Variants in MICU3 observed in about 807,000 individuals in gnomAD.
The protein encoded by MICU3 is mitochondrial calcium uptake 3, also known as calcium uptake protein 3, mitochondrial.
MICU3 carries 62 observed loss-of-function variants against 66.5 expected under a neutral mutation model. The observed-to-expected ratio is 0.93, with a 90% CI of 0.76 to 1.15. The LOEUF is 1.15. MICU3 is among the 50% of genes most tolerant of loss of function. The pLI is 0.00. For synonymous variants in MICU3, 308 were observed against 240.7 expected (o/e 1.28, Z -2.59); for missense variants, 779 against 664.4 (o/e 1.17, Z -1.90).
At chr8:17,069,839 G>T in intron 3 of MICU3, 120 bp downstream of exon 3, 1 of 318,708 alleles carries the variant, frequency 3.1e-6, no homozygotes, top group Non-Finnish European at 5.2e-6. Flanking sequence ...ATGATTTTTT[G>T]GCAAATCAAA....
chr8:17,048,879 A>G (rs772042418), intron 1 of MICU3, among the ~76,000 whole-genome samples: 10 of 152,134 alleles, frequency 6.6e-5, no homozygotes, highest in Non-Finnish European at 1.3e-4. Flanking sequence ...CCAGCCTCCC[A>G]GAGTGCTGAG....
rs746268946 is a variant in MICU3 at position 17,069,735 on chromosome 8, T to C, written c.567+16T>C. On this transcript the variant is annotated intron_variant, in intron 3 of 14. Transcript: ENST00000318063. ...TTCCAAACAGGTGAGTTAAAGCTCT[T>C]GGTAGATATACACAAATTTTATATG... 6.8e-7 allele frequency: 1 copy of C among 1,479,612 alleles called. No homozygotes were observed. The highest frequency in any genetic ancestry group is 9.1e-7 in the Non-Finnish European group (1 of 1,096,624). The allele number at this position is 1,479,612 out of a possible 1,614,324, so 91.7% of individuals were successfully genotyped here.
chr8:17,065,193 C>A (rs1818490247), intron 2 of MICU3, among the ~76,000 whole-genome samples: 1 of 152,098 alleles, frequency 6.6e-6, no homozygotes, highest in African/African-American at 2.4e-5. Context: ...TAAACTGTCA[C>A]ACAAATACTT....
chr8:17,137,463 A>G, the MICU3 span, among the ~76,000 whole-genome samples: 3 of 151,146 alleles, frequency 2.0e-5, no homozygotes, highest in African/African-American at 4.9e-5. Context: ...CAGACCACGG[A>G]AGGAAGAAAA....
chr8:17,104,236 C>G (rs1472743160), intron 9 of MICU3, among the ~76,000 whole-genome samples, 155 bp from the exon 10 acceptor site: 1 of 151,806 alleles, frequency 6.6e-6, no homozygotes, highest in Non-Finnish European at 1.5e-5. Context: ...ACTATAATTG[C>G]ATGTATTAAT....
chr8:17,028,243 C>T (rs374626309), intron 1 of MICU3, among the ~76,000 whole-genome samples: 32 of 152,302 alleles, frequency 2.1e-4, no homozygotes, highest in Middle Eastern at 6.8e-3. Context: ...ATAAGTATTT[C>T]TCTCTTTTTC....
At chr8:17,116,799 G>A (rs1027837768) in intron 13 of MICU3, among the ~76,000 whole-genome samples, 199 bp downstream of exon 13, 2 of 152,094 alleles carry the variant, frequency 1.3e-5, no homozygotes, top group Non-Finnish European at 2.9e-5. Context: ...TAAAAAATGT[G>A]AAATCAGTTT....
rs1002166258 is a variant in MICU3 at position 17,114,312 on chromosome 8, A to C, written c.1366+111A>C. Reference sequence around the variant, plus strand: ...CATATCACCCATCAACTTGTGTGAAAGTCCGGTGTATACTTTCAGTGACAA... The same window carrying C: ...CATATCACCCATCAACTTGTGTGAACGTCCGGTGTATACTTTCAGTGACAA... On this transcript the variant is annotated intron_variant, in intron 12 of 14. Coordinates refer to ENST00000318063, the MANE Select transcript of MICU3 (RefSeq NM_181723.3). The C allele has an allele frequency of 2.2e-5, 14 of 640,858 alleles. No individual in the cohort carries two copies. The Admixed American group carries it at 4.0e-4, about 18-fold the overall frequency. 39.7% of individuals were successfully genotyped at this position (640,858 alleles called of 1,614,324 possible).
chr8:17,034,282 C>A (rs948726590), intron 1 of MICU3, among the ~76,000 whole-genome samples: 2 of 152,194 alleles, frequency 1.3e-5, no homozygotes, highest in African/African-American at 4.8e-5. Context: ...AAAAAAGATT[C>A]AGTTGAAAAT....
At chr8:17,073,322 T>G (rs936014033) in intron 3 of MICU3, among the ~76,000 whole-genome samples, 1 of 152,158 alleles carries the variant, frequency 6.6e-6, no homozygotes, top group Admixed American at 6.5e-5. Context: ...CTCTGCCTCC[T>G]GTTAGATCAG....
intron 1 of MICU3, among the ~76,000 whole-genome samples, chr8:17,046,809 C>A (rs1815170875): frequency 2.0e-5 from 3 of 152,078 alleles, no homozygotes; most frequent in Admixed American, 1.3e-4. Flanking sequence ...TCCTCCTGGG[C>A]TCAGAGTAGA....
intron 4 of MICU3, among the ~76,000 whole-genome samples, chr8:17,078,165 A>G (rs1475958338): frequency 6.6e-6 from 1 of 151,958 alleles, no homozygotes; most frequent in East Asian, 1.9e-4. Flanking sequence ...CCATATCAAA[A>G]AGTATATTTT....
At chr8:17,109,725 G>A (rs575211188) in intron 11 of MICU3, among the ~76,000 whole-genome samples, 1 of 152,138 alleles carries the variant, frequency 6.6e-6, no homozygotes, top group East Asian at 1.9e-4. Flanking sequence ...TTGAACAAGT[G>A]AATATATTAA....
At chr8:17,110,777 T>G (rs1279413071) in intron 11 of MICU3, among the ~76,000 whole-genome samples, 1 of 151,792 alleles carries the variant, frequency 6.6e-6, no homozygotes, top group African/African-American at 2.4e-5. Context: ...TTTGTTTGTT[T>G]TTTTGCCTAG....
At chr8:17,049,470 GC>G in intron 1 of MICU3, 1 of 466,574 alleles carries the variant, frequency 2.1e-6, no homozygotes, top group Non-Finnish European at 4.2e-6. Flanking sequence ...GGCAGTATTT[GC>G]ATGTAGTTTT....
chr8:17,119,876 G>C (rs1051088636), intron 14 of MICU3, among the ~76,000 whole-genome samples: 1 of 152,104 alleles, frequency 6.6e-6, no homozygotes, highest in East Asian at 1.9e-4. Context: ...AACCGTTGTA[G>C]CTGAGTTAAC....
At chr8:17,083,396 A>G (rs1821480949) in intron 5 of MICU3, among the ~76,000 whole-genome samples, 4 of 152,084 alleles carry the variant, frequency 2.6e-5, no homozygotes, top group African/African-American at 7.2e-5. Flanking sequence ...TCTTGTGGCT[A>G]ATTTGTTAGT....
intron 8 of MICU3, among the ~76,000 whole-genome samples, chr8:17,098,257 T>C (rs1009610898): frequency 5.1e-4 from 77 of 151,818 alleles, no homozygotes; most frequent in African/African-American, 1.8e-3. Flanking sequence ...AGTGGTTATA[T>C]ACCATTACAC....
chr8:17,027,660 G>C lies in MICU3; in HGVS notation c.381G>C (p.Thr127=), dbSNP rs1021014106. Residue 127 remains threonine, a splice_region_variant and synonymous_variant, in exon 1 of 15, where the codon ACG becomes ACC. Transcript: ENST00000318063. ...LPIPVAAAKE[T]VAIGRTDIED... is the part of the protein sequence containing the mutation. ...TCCCAGTGGCGGCTGCCAAGGAGAC[G>C]GTGAGTGCGCGAGCGCGCGTCACAC... 1 of 1,297,560 alleles carries C rather than the reference G, an allele frequency of 7.7e-7. No individual in the cohort carries two copies. Among genetic ancestry groups the C allele is most frequent in the East Asian group, 3.1e-5 (1 of 32,106 alleles). 80.4% of individuals were successfully genotyped at this position (1,297,560 alleles called of 1,614,324 possible). A position where few individuals can be genotyped will look rare whatever the true frequency, so the allele number is the denominator to read the frequency against.
Sources: allele counts gnomAD v4.1 joint callset (sites outside exome capture counted in the v4.1 genomes callset), GRCh38; gene constraint gnomAD v4.1.1; transcripts MANE v1.5; gene names NCBI Gene and HGNC (gene_info 2026-07-23, HGNC 2026-07-21).